Variants in ADGB observed in about 807,000 individuals in gnomAD.
ADGB encodes the protein androglobin.
ADGB carries 172 observed loss-of-function variants against 210.5 expected under a neutral mutation model. The ratio of observed to expected loss-of-function variants is 0.82; its 90% confidence interval spans 0.72 to 0.93. ADGB has a LOEUF of 0.93. Among genes scored for constraint, ADGB ranks in the 40% least tolerant of loss-of-function variants. The pLI, the probability that ADGB is intolerant of heterozygous loss-of-function variation, is 0.00. For missense variants in ADGB, 2,025 were observed against 1,964.8 expected, an observed-to-expected ratio of 1.03 and a Z score of -0.58; for synonymous variants, 658 against 662.7, an observed-to-expected ratio of 0.99 and a Z score of 0.11.
Position 146,609,302 on chromosome 6 carries a change from A to G in ADGB, c.74+10188A>G, listed in dbSNP as rs1780673270. ...GGTCTCCTGAAGATAGCATGAGACT[A>G]TCTTGAGTCTTGCTTCTTTGTCCAA... is the stretch of plus-strand genomic sequence containing the variant. On this transcript the variant is annotated intron_variant, in intron 1 of 35. Coordinates refer to ENST00000397944, the MANE Select transcript of ADGB (RefSeq NM_024694.4). 1.3e-5 allele frequency among the ~76,000 whole-genome samples: 2 copies of G among 152,112 alleles called. 1 individual carries two copies. Among genetic ancestry groups the G allele is most frequent in the South Asian group, 4.1e-4 (2 of 4,824 alleles).
chr6:146,794,889 G>A (rs897888886), intron 33 of ADGB, among the ~76,000 whole-genome samples: 6 of 152,040 alleles, frequency 3.9e-5, no homozygotes, highest in Non-Finnish European at 2.9e-5. Flanking sequence ...GTGAAAGTGG[G>A]GACAGCTTTG....
intron 13 of ADGB, among the ~76,000 whole-genome samples, chr6:146,701,603 G>A (rs899756726): frequency 3.3e-5 from 5 of 151,952 alleles, no homozygotes; most frequent in African/African-American, 9.7e-5. Flanking sequence ...AGGTACAAGA[G>A]TTTCTTTAGT....
chr6:146,602,053 G>GA (rs1290065497), intron 1 of ADGB, among the ~76,000 whole-genome samples: 2 of 152,112 alleles, frequency 1.3e-5, no homozygotes, highest in African/African-American at 4.8e-5. Context: ...GAATCACCAA[G>GA]AAAAACTATT....
intron 7 of ADGB, among the ~76,000 whole-genome samples, chr6:146,667,729 C>T (rs1775955079): frequency 6.6e-6 from 1 of 151,970 alleles, no homozygotes; most frequent in Non-Finnish European, 1.5e-5. Context: ...ATAACAGCAA[C>T]TTTTAATTGG....
chr6:146,641,816 A>G (rs919739805), intron 2 of ADGB, among the ~76,000 whole-genome samples: 2 of 152,080 alleles, frequency 1.3e-5, no homozygotes, highest in African/African-American at 4.8e-5. Flanking sequence ...AAAACAACCT[A>G]GGCAATACCA....
intron 25 of ADGB, among the ~76,000 whole-genome samples, chr6:146,742,236 G>A (rs747707193): frequency 4.6e-5 from 7 of 151,722 alleles, no homozygotes; most frequent in Admixed American, 2.6e-4. Flanking sequence ...GTGTATATGT[G>A]TATATTATAT....
intron 35 of ADGB, chr6:146,803,974 T>G: frequency 4.7e-6 from 1 of 211,398 alleles, no homozygotes; most frequent in Non-Finnish European, 9.2e-6. Context: ...AAAAGTGAAG[T>G]AGGAGGAAGA....
intron 18 of ADGB, chr6:146,725,820 T>A: frequency 3.5e-6 from 1 of 286,416 alleles, no homozygotes; most frequent in Non-Finnish European, 6.5e-6. Context: ...GTGTGGGAGG[T>A]CACTCCAGCA....
At chr6:146,628,515 C>G (rs945840003) in intron 1 of ADGB, among the ~76,000 whole-genome samples, 4 of 151,994 alleles carry the variant, frequency 2.6e-5, no homozygotes, top group African/African-American at 9.7e-5. Context: ...CAGCAAGGCC[C>G]TCAGTCAGGA....
intron 27 of ADGB, among the ~76,000 whole-genome samples, chr6:146,759,660 T>A (rs560670484): frequency 6.6e-6 from 1 of 151,894 alleles, no homozygotes; most frequent in African/African-American, 2.4e-5. Context: ...ATATATGAAA[T>A]AAATGTTTAG....
chr6:146,637,816 C>G (rs1775446822), intron 2 of ADGB, among the ~76,000 whole-genome samples: 1 of 151,922 alleles, frequency 6.6e-6, no homozygotes, highest in Admixed American at 6.6e-5. Flanking sequence ...TGTACAAAGA[C>G]AAGCTGCTAC....
intron 33 of ADGB, among the ~76,000 whole-genome samples, chr6:146,796,423 G>A (rs1778043490): frequency 1.3e-5 from 2 of 152,056 alleles, no homozygotes; most frequent in African/African-American, 4.8e-5. Context: ...GCAAGACTAA[G>A]CAAAAAGAAA....
At chr6:146,770,584 T>C (rs1239838950) in intron 29 of ADGB, 1 of 470,444 alleles carries the variant, frequency 2.1e-6, no homozygotes, top group Non-Finnish European at 4.4e-6. Context: ...AATGAATGCA[T>C]GAACATGCCA....
intron 3 of ADGB, among the ~76,000 whole-genome samples, chr6:146,649,447 T>G (rs1775667807): frequency 1.3e-5 from 2 of 151,886 alleles, no homozygotes; most frequent in Admixed American, 6.6e-5. Context: ...TAGACAAAAA[T>G]GTATACTGAT....
At chr6:146,792,933 C>T (rs931983640) in intron 33 of ADGB, among the ~76,000 whole-genome samples, 2 of 152,164 alleles carry the variant, frequency 1.3e-5, no homozygotes, top group Non-Finnish European at 2.9e-5. Flanking sequence ...CGGACCTTCG[C>T]AGTGAGTGTT....
chr6:146,681,783 T>A (rs1417160372), intron 9 of ADGB, among the ~76,000 whole-genome samples: 1 of 152,124 alleles, frequency 6.6e-6, no homozygotes, highest in African/African-American at 2.4e-5. Context: ...GCAAACATTG[T>A]CTGGTAGGAA....
chr6:146,677,176 A>G (rs921840940), intron 9 of ADGB, among the ~76,000 whole-genome samples: 1 of 152,108 alleles, frequency 6.6e-6, no homozygotes, highest in Non-Finnish European at 1.5e-5. Context: ...CCTTTAAACA[A>G]ATTGTATCAG....
rs1427762701 is a variant in ADGB at position 146,715,357 on chromosome 6, A to G, written c.1708-25A>G. ...ATAGCTGTAATGTTTTGTTGGATTC[A>G]AAGTGTGTTTCTTTTAATTCATAGG... On this transcript the variant is annotated intron_variant, in intron 13 of 35. Coordinates refer to ENST00000397944, the MANE Select transcript of ADGB (RefSeq NM_024694.4). The G allele has an allele frequency of 2.0e-6, 3 of 1,493,492 alleles. No homozygotes were observed. The Admixed American group carries it at 6.6e-5, about 33-fold the overall frequency. 92.5% of individuals were successfully genotyped at this position (1,493,492 alleles called of 1,614,324 possible). A position where few individuals can be genotyped will look rare whatever the true frequency, so the allele number is the denominator to read the frequency against.
chr6:146,803,198 A>G (rs1778158065), intron 35 of ADGB: 11 of 1,511,020 alleles, frequency 7.3e-6, no homozygotes, highest in African/African-American at 2.7e-5. Context: ...TTCTCCAGAA[A>G]CTTAAAGCTA....
Sources: allele counts gnomAD v4.1 joint callset (sites outside exome capture counted in the v4.1 genomes callset), GRCh38; gene constraint gnomAD v4.1.1; transcripts MANE v1.5; gene names NCBI Gene and HGNC (gene_info 2026-07-23, HGNC 2026-07-21).